TRERF1: variants seen among roughly 807,000 people sequenced by gnomAD.
The protein encoded by TRERF1 is transcriptional regulating factor 1.
TRERF1 carries 27 observed loss-of-function variants against 122.9 expected under a neutral mutation model. That is an observed-to-expected ratio of 0.22 (90% CI 0.16 to 0.30). The LOEUF is 0.30. TRERF1 is among the 10% of genes least tolerant of loss of function. The pLI is 1.00. For missense variants in TRERF1, 1,248 were observed against 1,560.3 expected, an observed-to-expected ratio of 0.80 and a Z score of 3.37; for synonymous variants, 636 against 641.7, an observed-to-expected ratio of 0.99 and a Z score of 0.13.
intron 2 of TRERF1, among the ~76,000 whole-genome samples, chr6:42,376,078 C>T (rs1338151350): frequency 6.6e-6 from 1 of 152,080 alleles, no homozygotes; most frequent in Non-Finnish European, 1.5e-5. Context: ...TCTCGGCCTA[C>T]CACTCACCAC....
At chr6:42,287,155 G>T (rs1371065936) in intron 4 of TRERF1, among the ~76,000 whole-genome samples, 53 of 112,026 alleles carry the variant, frequency 4.7e-4, no homozygotes, top group Non-Finnish European at 9.1e-4. Flanking sequence ...GGTGGGGGGA[G>T]GGGGGAGGGA....
chr6:42,327,102 A>C (rs191130253), intron 3 of TRERF1, among the ~76,000 whole-genome samples: 1 of 152,076 alleles, frequency 6.6e-6, no homozygotes, highest in Non-Finnish European at 1.5e-5. Flanking sequence ...AGGTGGGGGG[A>C]ATCTGATAAA....
Position 42,277,974 on chromosome 6 carries a change from A to AGAAGAAGAC in TRERF1, c.-258-8127_-258-8126insGTCTTCTTC, listed in dbSNP as rs1161319382. Among the ~76,000 whole-genome samples, 13 of 147,118 alleles carry AGAAGAAGAC rather than the reference A, an allele frequency of 8.8e-5. No individual in the cohort carries two copies. The East Asian group carries it at 2.2e-3, about 25-fold the overall frequency. On this transcript the variant is annotated intron_variant, in intron 4 of 17. Coordinates refer to ENST00000372922, the Ensembl canonical transcript of TRERF1. ...AAGAAGAAGAAGAAGAAGAAGAAGA[A>AGAAGAAGAC]GACTGCAATAGAAGACAGGAGCCCT...
intron 3 of TRERF1, among the ~76,000 whole-genome samples, chr6:42,319,528 A>G (rs1561980720): frequency 6.6e-6 from 1 of 152,220 alleles, no homozygotes; most frequent in Non-Finnish European, 1.5e-5. Flanking sequence ...TTTGATTGTT[A>G]AAAAAAGTAT....
chr6:42,408,225 A>ATG (rs1251199122), intron 2 of TRERF1, among the ~76,000 whole-genome samples: 8 of 129,206 alleles, frequency 6.2e-5, no homozygotes, highest in Admixed American at 2.3e-4. Context: ...ATATATATAT[A>ATG]TATGTGTGTG....
At chr6:42,362,944 T>C (rs1294616679) in intron 3 of TRERF1, 53 bp downstream of exon 3, 2 of 153,794 alleles carry the variant, frequency 1.3e-5, no homozygotes, top group Non-Finnish European at 2.9e-5. Flanking sequence ...GAAATGGTCT[T>C]ACGACTGCTT....
At chr6:42,425,778 C>T (rs764375368) in intron 2 of TRERF1, among the ~76,000 whole-genome samples, 40 of 150,440 alleles carry the variant, frequency 2.7e-4, no homozygotes, top group Non-Finnish European at 5.2e-4. Context: ...CTCCTGACCT[C>T]GTGATCCGCC....
At chr6:42,320,087 G>A (rs1307804128) in intron 3 of TRERF1, among the ~76,000 whole-genome samples, 3 of 151,880 alleles carry the variant, frequency 2.0e-5, no homozygotes, top group Non-Finnish European at 4.4e-5. Context: ...TTTTAGTAGA[G>A]ATGGGGTTTC....
intron 3 of TRERF1, among the ~76,000 whole-genome samples, chr6:42,323,449 G>A (rs572593672): frequency 1.1e-4 from 16 of 151,992 alleles, no homozygotes; most frequent in Admixed American, 7.9e-4. Flanking sequence ...CACCTGCCTC[G>A]GCCTCCCAAA....
chr6:42,409,221 G>A (rs116719995), intron 2 of TRERF1, among the ~76,000 whole-genome samples: 1,966 of 152,224 alleles, frequency 0.013, 24 homozygotes, highest in Non-Finnish European at 0.02. Context: ...TGAGGCTGCA[G>A]TGAGCCGTGA....
At chr6:42,328,787 A>G (rs544884136) in intron 3 of TRERF1, among the ~76,000 whole-genome samples, 1 of 152,206 alleles carries the variant, frequency 6.6e-6, no homozygotes, top group East Asian at 1.9e-4. Context: ...TCTAAAACTG[A>G]GTTTACTTTC....
Position 42,320,187 on chromosome 6 carries a change from C to A in TRERF1, c.-370-19438G>T, listed in dbSNP as rs186565527. Among the ~76,000 whole-genome samples, 293 of 152,202 alleles carry A rather than the reference C, an allele frequency of 1.9e-3. 2 individuals are homozygous for A. Among genetic ancestry groups the A allele is most frequent in the African/African-American group, 6.7e-3 (278 of 41,534 alleles). ...GTACTGGGATTACAGGCATGAGCCA[C>A]CGCACCCAGCCATAACTAAATTATA... is the stretch of plus-strand genomic sequence containing the variant. On this transcript the variant is annotated intron_variant, in intron 3 of 17. Transcript: ENST00000372922.
At chr6:42,427,634 C>T (rs1783835582) in intron 2 of TRERF1, among the ~76,000 whole-genome samples, 1 of 151,698 alleles carries the variant, frequency 6.6e-6, no homozygotes, top group African/African-American at 2.4e-5. Flanking sequence ...ACTGCAGCCT[C>T]CACCTGCCAG....
chr6:42,268,253 G>A lies in TRERF1; in HGVS notation c.1338C>T (p.Ser446=). The change falls in exon 5 of 18, where the codon AGC becomes AGT. Residue 446 remains serine (S), a synonymous_variant. Coordinates refer to ENST00000372922, the Ensembl canonical transcript of TRERF1. The surrounding 1 kb of genome is among the most constrained non-coding windows in gnomAD (Gnocchi z 4.4). ...ATAGGAGGGGGCGATGGGGGAGGGT[G>A]CTGCTGACCCGGGTCAGATCTGAGC... 1 of 1,499,184 alleles carries A rather than the reference G, an allele frequency of 6.7e-7. No homozygotes were observed. The highest frequency in any genetic ancestry group is 1.4e-5 in the African/African-American group (1 of 71,456). The allele number at this position is 1,499,184 out of a possible 1,614,324, so 92.9% of individuals were successfully genotyped here. A position where few individuals can be genotyped will look rare whatever the true frequency, so the allele number is the denominator to read the frequency against.
Position 42,268,245 on chromosome 6 carries a change from G to A in TRERF1, c.1346C>T (p.Pro449Leu). 6.7e-7 allele frequency: 1 copy of A among 1,498,830 alleles called. No homozygotes were observed. Among genetic ancestry groups the A allele is most frequent in the Non-Finnish European group, 8.9e-7 (1 of 1,124,518 alleles). 92.8% of individuals were successfully genotyped at this position (1,498,830 alleles called of 1,614,324 possible). Residue 449 changes from proline (P) to leucine (L), a missense_variant, in exon 5 of 18, where the codon CCC (proline) becomes CTC (leucine). Physicochemically the swap from Pro to Leu is moderately conservative, Grantham distance 98 (BLOSUM62 -3). Coordinates refer to ENST00000372922, the Ensembl canonical transcript of TRERF1. The surrounding 1 kb of genome is among the most constrained non-coding windows in gnomAD (Gnocchi z 4.4). The stretch of plus-strand genomic sequence containing the variant: ...ACTGGGGGATAGGAGGGGGCGATGG[G>A]GGAGGGTGCTGCTGACCCGGGTCAG...
chr6:42,255,771 T>A (rs1235012554), intron 12 of TRERF1, among the ~76,000 whole-genome samples: 1 of 152,156 alleles, frequency 6.6e-6, no homozygotes, highest in Non-Finnish European at 1.5e-5. Flanking sequence ...TGCAGGAAGC[T>A]AGATATACTA....
intron 2 of TRERF1, among the ~76,000 whole-genome samples, chr6:42,380,384 C>A (rs551587547): frequency 6.6e-5 from 10 of 152,330 alleles, no homozygotes; most frequent in Non-Finnish European, 1.5e-4. Flanking sequence ...TATTACCAGG[C>A]AGCCTGTGTG....
At position 42,393,530 on chromosome 6, in the gene TRERF1, C is replaced by G. The variant is rs1341287755; in HGVS notation, c.-453-30451G>C. The stretch of plus-strand genomic sequence containing the variant: ...TGAATTCCCTGCAGAGTGCAAAGGT[C>G]ACGGGAGTGTGCAAGGCCTGGCAAA... On this transcript the variant is annotated intron_variant, in intron 2 of 17. Transcript: ENST00000372922. The surrounding 1 kb of genome is among the most constrained non-coding windows in gnomAD (Gnocchi z 4.1). Among the ~76,000 whole-genome samples, 1 of 152,220 alleles carries G rather than the reference C, an allele frequency of 6.6e-6. No homozygotes were observed. The highest frequency in any genetic ancestry group is 1.5e-5 in the Non-Finnish European group (1 of 68,040).
intron 2 of TRERF1, among the ~76,000 whole-genome samples, chr6:42,437,532 G>A (rs1196462653): frequency 6.6e-6 from 1 of 152,194 alleles, no homozygotes; most frequent in Non-Finnish European, 1.5e-5. Context: ...TGGAAAATGA[G>A]GCTCCAAGAG....
Sources: allele counts gnomAD v4.1 joint callset (sites outside exome capture counted in the v4.1 genomes callset), GRCh38; gene constraint gnomAD v4.1.1; non-coding constraint Gnocchi (gnomAD v3.1); transcripts MANE v1.5; gene names NCBI Gene and HGNC (gene_info 2026-07-23, HGNC 2026-07-21).